IGSF11: variants seen among roughly 807,000 people sequenced by gnomAD.
IGSF11 encodes the protein immunoglobulin superfamily member 11.
Under a neutral mutation model 41.0 loss-of-function variants are expected in IGSF11, and 22 were observed. That is an observed-to-expected ratio of 0.54 (90% CI 0.38 to 0.77). The LOEUF (loss-of-function observed/expected upper bound fraction) is 0.77, where lower values mean the gene tolerates loss of function less well. IGSF11 is among the 30% of genes least tolerant of loss of function. The pLI, the probability that IGSF11 is intolerant of heterozygous loss-of-function variation, is 0.00. For synonymous variants in IGSF11, 219 were observed against 201.3 expected (o/e 1.09, Z -0.74); for missense variants, 444 against 530.8 (o/e 0.84, Z 1.61).
At chr3:119,144,127 G>C (rs2077687236) in intron 1 of IGSF11, among the ~76,000 whole-genome samples, 1 of 151,730 alleles carries the variant, frequency 6.6e-6, no homozygotes, top group Non-Finnish European at 1.5e-5. Context: ...TCATGGCTCA[G>C]ACAGCCTCAA....
chr3:119,065,523 T>C (rs1942197607), intron 1 of IGSF11, among the ~76,000 whole-genome samples: 1 of 152,122 alleles, frequency 6.6e-6, no homozygotes, highest in African/African-American at 2.4e-5. Flanking sequence ...CGGGGGGCAG[T>C]GGCACACGCC....
At chr3:119,112,183 C>G (rs1004773253) in intron 1 of IGSF11, among the ~76,000 whole-genome samples, 5 of 152,210 alleles carry the variant, frequency 3.3e-5, no homozygotes, top group African/African-American at 1.2e-4. Flanking sequence ...TTTGTCTGTG[C>G]CCTGCCCCCA....
intron 1 of IGSF11, among the ~76,000 whole-genome samples, chr3:119,064,897 G>T (rs1032671412): frequency 6.6e-6 from 1 of 151,982 alleles, no homozygotes; most frequent in African/African-American, 2.4e-5. Flanking sequence ...TTCACTTATT[G>T]ATTCTAATAG....
chr3:119,009,155 T>C (rs927526707), intron 1 of IGSF11, among the ~76,000 whole-genome samples: 1 of 152,184 alleles, frequency 6.6e-6, no homozygotes. Context: ...TTTCCTTCAA[T>C]GTTCACCCTT....
At chr3:119,039,582 TG>T (rs1189665585), upstream of IGSF11, among the ~76,000 whole-genome samples, 1 of 152,176 alleles carries the variant, frequency 6.6e-6, no homozygotes, top group Non-Finnish European at 1.5e-5. Flanking sequence ...ATCCCATTTG[TG>T]GGGGGCCCTT....
intron 1 of IGSF11, among the ~76,000 whole-genome samples, chr3:118,967,145 G>C (rs904346934): frequency 7.2e-5 from 11 of 151,888 alleles, no homozygotes; most frequent in African/African-American, 2.7e-4. Flanking sequence ...AATAAACTCA[G>C]CTTCAAGAAT....
At position 119,034,587 on chromosome 3, in the gene IGSF11, G is replaced by T. The variant is rs762577126; in HGVS notation, c.-5C>A. ...AGGGGAACGCTGAGAAGTCATCCCG[G>T]GGCCGCAGGGAGCGCGCCTGCCTCC... On this transcript the variant is annotated 5_prime_UTR_variant, in exon 1 of 7. Transcript: ENST00000393775. 1.9e-6 allele frequency: 3 copies of T among 1,588,524 alleles called. No individual in the cohort carries two copies. Among genetic ancestry groups the T allele is most frequent in the African/African-American group, 2.7e-5 (2 of 73,458 alleles).
intron 1 of IGSF11, among the ~76,000 whole-genome samples, chr3:118,982,554 A>G (rs1272394224): frequency 2.0e-5 from 3 of 152,228 alleles, no homozygotes; most frequent in Admixed American, 6.5e-5. Flanking sequence ...AATAAAAAGA[A>G]GGACAAAGGG....
chr3:119,117,119 G>A (rs2077268072), intron 1 of IGSF11, among the ~76,000 whole-genome samples: 1 of 151,856 alleles, frequency 6.6e-6, no homozygotes, highest in African/African-American at 2.4e-5. Context: ...ACAATTTCAT[G>A]GTCTCTCTTT....
chr3:119,025,904 T>C (rs1939775702), intron 1 of IGSF11, among the ~76,000 whole-genome samples: 1 of 152,158 alleles, frequency 6.6e-6, no homozygotes, highest in Non-Finnish European at 1.5e-5. Context: ...CTAAAAATTA[T>C]GGCATACTTG....
At chr3:118,905,497 T>C in intron 5 of IGSF11, 99 bp downstream of exon 5, 3 of 1,204,098 alleles carry the variant, frequency 2.5e-6, no homozygotes, top group Middle Eastern at 4.7e-4. Context: ...AATCTTCAGA[T>C]AACCTTAAGA....
At chr3:118,925,928 A>AAG (rs1942248826) in intron 4 of IGSF11, 173 bp downstream of exon 4, 1 of 400,734 alleles carries the variant, frequency 2.5e-6, no homozygotes, top group Non-Finnish European at 4.4e-6. Flanking sequence ...CAATATAGAG[A>AAG]AGAGAGAGAA....
intron 1 of IGSF11, among the ~76,000 whole-genome samples, chr3:118,963,297 C>G (rs1361047742): frequency 6.6e-6 from 1 of 152,134 alleles, no homozygotes; most frequent in Non-Finnish European, 1.5e-5. Flanking sequence ...CTTCAAGGTC[C>G]ATTCTACCTC....
intron 1 of IGSF11, among the ~76,000 whole-genome samples, chr3:118,931,480 C>T (rs1026596041): frequency 5.9e-5 from 9 of 152,122 alleles, no homozygotes; most frequent in African/African-American, 2.2e-4. Context: ...AAACAAAAAC[C>T]ATCAAAGTAC....
rs573745165 is a variant in IGSF11 at position 119,025,712 on chromosome 3, G to A, written c.52+8819C>T. On this transcript the variant is annotated intron_variant, in intron 1 of 6. Transcript: ENST00000393775. ...GTCAGACATACTGGGTTTGAATTAC[G>A]ACAATGCTTTTTTTCTCTCCCCGGA... Among the ~76,000 whole-genome samples the A allele has an allele frequency of 4.6e-5, 7 of 151,964 alleles. No homozygotes were observed. In the South Asian group the frequency reaches 1.2e-3, roughly 27 times the overall value.
intron 1 of IGSF11, among the ~76,000 whole-genome samples, chr3:119,047,910 C>T (rs1241555477): frequency 2.6e-5 from 4 of 151,954 alleles, no homozygotes; most frequent in African/African-American, 7.3e-5. Context: ...GCGTACATAA[C>T]GAAATGAAGG....
intron 1 of IGSF11, among the ~76,000 whole-genome samples, chr3:119,055,422 A>C (rs1246597757): frequency 6.6e-6 from 1 of 152,204 alleles, no homozygotes; most frequent in Non-Finnish European, 1.5e-5. Context: ...AGAGCTAACT[A>C]TCCTAAATAC....
At chr3:119,072,226 G>A (rs918468758) in intron 1 of IGSF11, among the ~76,000 whole-genome samples, 5 of 152,120 alleles carry the variant, frequency 3.3e-5, no homozygotes, top group Non-Finnish European at 7.3e-5. Context: ...CTGAGCTAAG[G>A]CATTATCTAT....
intron 1 of IGSF11, among the ~76,000 whole-genome samples, chr3:118,965,323 A>G (rs943518112): frequency 1.2e-4 from 19 of 152,130 alleles, no homozygotes; most frequent in African/African-American, 4.6e-4. Context: ...CTCCTTAGCT[A>G]AATGTGTGAG....
Sources: allele counts gnomAD v4.1 joint callset (sites outside exome capture counted in the v4.1 genomes callset), GRCh38; gene constraint gnomAD v4.1.1; transcripts MANE v1.5; gene names NCBI Gene and HGNC (gene_info 2026-07-23, HGNC 2026-07-21).